The following FNIP1 variants were observed in gnomAD, a reference collection of about 807,000 sequenced individuals.
The protein encoded by FNIP1 is folliculin-interacting protein 1.
Under a neutral mutation model 124.5 loss-of-function variants are expected in FNIP1, and 40 were observed. The ratio of observed to expected loss-of-function variants is 0.32; its 90% confidence interval spans 0.25 to 0.42. FNIP1 has a LOEUF of 0.42. FNIP1 is among the 10% of genes least tolerant of loss of function. The pLI, the probability that FNIP1 is intolerant of heterozygous loss-of-function variation, is 1.00. For synonymous variants in FNIP1, 472 were observed against 470.6 expected, an observed-to-expected ratio of 1.00 and a Z score of -0.04; for missense variants, 1,176 against 1,403.7, an observed-to-expected ratio of 0.84 and a Z score of 2.59.
intron 9 of FNIP1, among the ~76,000 whole-genome samples, chr5:131,705,039 A>C (rs1217707836): frequency 1.3e-5 from 2 of 152,196 alleles, no homozygotes; most frequent in African/African-American, 4.8e-5. Flanking sequence ...CATATATCTG[A>C]TAAGGGATCA....
At chr5:131,776,579 A>G (rs1219169086) in intron 1 of FNIP1, among the ~76,000 whole-genome samples, 1 of 152,246 alleles carries the variant, frequency 6.6e-6, no homozygotes, top group Admixed American at 6.5e-5. Context: ...TGGCAATATG[A>G]ATAAATCTGA....
intron 1 of FNIP1, among the ~76,000 whole-genome samples, chr5:131,772,103 T>C (rs564313684): frequency 6.6e-6 from 1 of 152,146 alleles, no homozygotes; most frequent in Non-Finnish European, 1.5e-5. Flanking sequence ...ATAACATGCA[T>C]AGAGGAATGT....
intron 11 of FNIP1, among the ~76,000 whole-genome samples, chr5:131,689,266 C>T (rs1768394806): frequency 6.6e-6 from 1 of 151,784 alleles, no homozygotes; most frequent in South Asian, 2.1e-4. Context: ...CTTCCTCAGA[C>T]CAAAACTGAC....
intron 1 of FNIP1, among the ~76,000 whole-genome samples, chr5:131,793,039 T>C (rs1443977091): frequency 6.6e-6 from 1 of 152,216 alleles, no homozygotes; most frequent in Non-Finnish European, 1.5e-5. Flanking sequence ...AAACAATCTT[T>C]TTTTTTGAGA....
Position 131,790,410 on chromosome 5 carries a change from C to T in FNIP1, c.92+6420G>A, listed in dbSNP as rs1580843273. Among the ~76,000 whole-genome samples, 7 of 130,910 alleles carry T rather than the reference C, an allele frequency of 5.3e-5. No individual in the cohort carries two copies. The South Asian group carries it at 1.5e-3, about 29-fold the overall frequency. The allele number at this position is 130,910 out of a possible 152,430, so 85.9% of individuals were successfully genotyped here. A position where few individuals can be genotyped will look rare whatever the true frequency, so the allele number is the denominator to read the frequency against. ...GGGGAGATGGCTTAAGCCCAGGAGG[C>T]GGAGGTTGCAGTGACCCAAGATCGC... is the stretch of plus-strand genomic sequence containing the variant. On this transcript the variant is annotated intron_variant, in intron 1 of 17. Transcript: ENST00000510461.
At chr5:131,752,383 G>A (rs1423909668) in intron 1 of FNIP1, among the ~76,000 whole-genome samples, 1 of 151,910 alleles carries the variant, frequency 6.6e-6, no homozygotes. Context: ...AGGACTTTAT[G>A]AAAAAGGTAA....
chr5:131,755,584 T>C (rs1771023984), intron 1 of FNIP1, among the ~76,000 whole-genome samples: 1 of 151,960 alleles, frequency 6.6e-6, no homozygotes, highest in Non-Finnish European at 1.5e-5. Flanking sequence ...GAAGAACTAA[T>C]AAACTAGAAT....
At chr5:131,719,527 G>C (rs1769585492) in intron 3 of FNIP1, 110 bp from the exon 4 acceptor site, 2 of 950,106 alleles carry the variant, frequency 2.1e-6, no homozygotes, top group African/African-American at 1.7e-5. Flanking sequence ...ATTAAGAGTT[G>C]TACTTCTACA....
intron 1 of FNIP1, among the ~76,000 whole-genome samples, chr5:131,782,865 G>A (rs569790315): frequency 1.3e-5 from 2 of 152,358 alleles, no homozygotes; most frequent in Non-Finnish European, 2.9e-5. Flanking sequence ...GTTTCACCAT[G>A]TTGGCCAGGC....
chr5:131,659,388 C>T (rs763924826), intron 15 of FNIP1, among the ~76,000 whole-genome samples: 5 of 152,324 alleles, frequency 3.3e-5, no homozygotes, highest in African/African-American at 4.8e-5. Flanking sequence ...ACCTGGCCAT[C>T]GGACAGCTCA....
rs892124724 is a variant in FNIP1 at position 131,681,196 on chromosome 5, G to A, written c.1203-2021C>T. 9.2e-5 allele frequency among the ~76,000 whole-genome samples: 14 copies of A among 152,130 alleles called. 1 individual carries two copies. The highest frequency in any genetic ancestry group is 8.8e-5 in the Non-Finnish European group (6 of 68,040). On this transcript the variant is annotated intron_variant, in intron 11 of 17. Transcript: ENST00000510461. ...TTGTATCTTTCAGAGTATATAATCAGATATAGAGTATATCTTGTAGTGTTA... is the reference window on the plus strand; with the variant it reads ...TTGTATCTTTCAGAGTATATAATCAAATATAGAGTATATCTTGTAGTGTTA...
intron 1 of FNIP1, among the ~76,000 whole-genome samples, chr5:131,777,306 T>C (rs1771843155): frequency 6.6e-6 from 1 of 152,112 alleles, no homozygotes; most frequent in Non-Finnish European, 1.5e-5. Flanking sequence ...TTTTGTACTC[T>C]GAAAACACCT....
chr5:131,726,923 G>A (rs1769896694), intron 3 of FNIP1, among the ~76,000 whole-genome samples: 2 of 152,118 alleles, frequency 1.3e-5, no homozygotes, highest in Non-Finnish European at 2.9e-5. Context: ...AGTCATTCCG[G>A]AGCAGGTTGT....
At chr5:131,662,958 G>A (rs1171004020) in intron 15 of FNIP1, among the ~76,000 whole-genome samples, 2 of 151,938 alleles carry the variant, frequency 1.3e-5, no homozygotes, top group African/African-American at 2.4e-5. Context: ...GGTAAGGCTG[G>A]TCTTGAACTC....
chr5:131,759,459 A>G (rs1253340987), intron 1 of FNIP1, among the ~76,000 whole-genome samples: 1 of 152,200 alleles, frequency 6.6e-6, no homozygotes, highest in East Asian at 1.9e-4. Context: ...ACACTTCTCA[A>G]AAGATGACAT....
intron 11 of FNIP1, among the ~76,000 whole-genome samples, chr5:131,696,294 A>G (rs1235408673): frequency 6.6e-6 from 1 of 152,202 alleles, no homozygotes; most frequent in African/African-American, 2.4e-5. Flanking sequence ...CACTTCATCT[A>G]TAAAAAACAT....
intron 9 of FNIP1, among the ~76,000 whole-genome samples, chr5:131,704,820 T>C (rs1483752159): frequency 1.3e-5 from 2 of 151,808 alleles, no homozygotes; most frequent in Non-Finnish European, 2.9e-5. Context: ...GACCTAAACA[T>C]AAAACTCTTA....
At chr5:131,656,534 A>C (rs1389240136) in intron 15 of FNIP1, among the ~76,000 whole-genome samples, 1 of 152,254 alleles carries the variant, frequency 6.6e-6, no homozygotes, top group Non-Finnish European at 1.5e-5. Flanking sequence ...TTATATGACA[A>C]CTTAAAGCAA....
chr5:131,781,515 G>A (rs1580834918), intron 1 of FNIP1, among the ~76,000 whole-genome samples: 1 of 152,172 alleles, frequency 6.6e-6, no homozygotes, highest in Admixed American at 6.5e-5. Flanking sequence ...TTGCCATTCC[G>A]AAAATCCTAC....
Sources: allele counts gnomAD v4.1 joint callset (sites outside exome capture counted in the v4.1 genomes callset), GRCh38; gene constraint gnomAD v4.1.1; transcripts MANE v1.5; gene names NCBI Gene and HGNC (gene_info 2026-07-23, HGNC 2026-07-21).